The following IGSF11 variants were observed in gnomAD, a reference collection of about 807,000 sequenced individuals.
IGSF11 encodes the protein CXADR like 1.
IGSF11 carries 22 observed loss-of-function variants against 41.0 expected under a neutral mutation model. The ratio of observed to expected loss-of-function variants is 0.54; its 90% CI spans 0.38 to 0.77. IGSF11 has a LOEUF of 0.77. IGSF11 is among the 30% of genes least tolerant of loss of function. The pLI is 0.00. For synonymous variants in IGSF11, 219 were observed against 201.3 expected, an observed-to-expected ratio of 1.09 and a Z score of -0.74; for missense variants, 444 against 530.8, an observed-to-expected ratio of 0.84 and a Z score of 1.61.
chr3:119,104,373 C>A (rs2076986917), intron 1 of IGSF11, among the ~76,000 whole-genome samples: 1 of 152,196 alleles, frequency 6.6e-6, no homozygotes, highest in African/African-American at 2.4e-5. Context: ...CCGTAATCTG[C>A]TATGCCTCCA....
intron 1 of IGSF11, among the ~76,000 whole-genome samples, chr3:118,964,917 T>C (rs1945568170): frequency 6.6e-6 from 1 of 152,194 alleles, no homozygotes; most frequent in East Asian, 1.9e-4. Context: ...TTGACTTTTT[T>C]CCTAACCACT....
At chr3:118,975,423 T>C (rs1223937533) in intron 1 of IGSF11, among the ~76,000 whole-genome samples, 1 of 151,522 alleles carries the variant, frequency 6.6e-6, no homozygotes, top group South Asian at 2.1e-4. Context: ...TATTGAATCA[T>C]ATACTTCCAC....
At chr3:118,998,470 A>G (rs1029150282) in intron 1 of IGSF11, among the ~76,000 whole-genome samples, 3 of 151,244 alleles carry the variant, frequency 2.0e-5, no homozygotes, top group Non-Finnish European at 4.4e-5. Context: ...TTCAAAATCC[A>G]TTGGGGGGGA....
chr3:119,050,657 A>C (rs1189446227), intron 1 of IGSF11, among the ~76,000 whole-genome samples: 1 of 152,170 alleles, frequency 6.6e-6, no homozygotes, highest in Non-Finnish European at 1.5e-5. Context: ...TATATACCCA[A>C]AGGGTTATAA....
intron 1 of IGSF11, among the ~76,000 whole-genome samples, chr3:119,085,398 C>G (rs1250821240): frequency 2.0e-5 from 3 of 152,178 alleles, no homozygotes; most frequent in Admixed American, 2.0e-4. Flanking sequence ...ACTGTGTACT[C>G]AAATTTACAC....
chr3:118,946,461 AG>A (rs1944151863), intron 1 of IGSF11, among the ~76,000 whole-genome samples: 1 of 151,800 alleles, frequency 6.6e-6, no homozygotes, highest in East Asian at 1.9e-4. Context: ...AAAAAAAAGA[AG>A]AAGAAGAGGA....
At chr3:118,941,384 C>T (rs557844195) in intron 1 of IGSF11, among the ~76,000 whole-genome samples, 79 of 152,056 alleles carry the variant, frequency 5.2e-4, no homozygotes, top group Non-Finnish European at 9.3e-4. Flanking sequence ...AACGATGCTC[C>T]ACTTCATTAG....
intron 1 of IGSF11, among the ~76,000 whole-genome samples, chr3:119,086,445 G>A (rs764777441): frequency 3.3e-5 from 5 of 151,750 alleles, no homozygotes; most frequent in African/African-American, 9.7e-5. Flanking sequence ...ATCAGATTCA[G>A]CAAGGTCAAC....
chr3:118,991,414 A>G (rs1176137535), intron 1 of IGSF11, among the ~76,000 whole-genome samples: 1 of 152,258 alleles, frequency 6.6e-6, no homozygotes, highest in Non-Finnish European at 1.5e-5. Flanking sequence ...GCTTAGTTTT[A>G]TAACAACATC....
chr3:119,029,271 CA>C lies in IGSF11; in HGVS notation c.52+5259del, dbSNP rs1388354458. Among the ~76,000 whole-genome samples the C allele has an allele frequency of 2.8e-3, 417 of 147,838 alleles. 1 individual carries two copies. The highest frequency in any genetic ancestry group is 0.014 in the East Asian group (69 of 5,100). ...ACACACACACACACACACACACACACACACCCGAGAGAGAGAGAGAATGCGA... is the reference window on the plus strand; with the variant it reads ...ACACACACACACACACACACACACACCACCCGAGAGAGAGAGAGAATGCGA... On this transcript the variant is annotated intron_variant, in intron 1 of 6. Coordinates refer to ENST00000393775, the MANE Select transcript of IGSF11 (RefSeq NM_001015887.3).
intron 1 of IGSF11, among the ~76,000 whole-genome samples, chr3:119,007,214 G>A (rs1937556337): frequency 6.8e-6 from 1 of 146,560 alleles, no homozygotes; most frequent in Non-Finnish European, 1.5e-5. Context: ...TCGGGTGGGA[G>A]TGACCCGATT....
At chr3:119,083,148 G>A (rs1360209304) in intron 1 of IGSF11, among the ~76,000 whole-genome samples, 1 of 122,990 alleles carries the variant, frequency 8.1e-6, no homozygotes, top group Non-Finnish European at 1.6e-5. Context: ...TTTTTGGTGT[G>A]GGGGACAGCA....
chr3:118,977,172 C>T (rs889917054), intron 1 of IGSF11, among the ~76,000 whole-genome samples: 5 of 152,152 alleles, frequency 3.3e-5, no homozygotes, highest in Non-Finnish European at 7.4e-5. Context: ...GTTGCCCTGG[C>T]TTGGATCTCT....
chr3:119,025,644 TTGACTATACAAAGCCCATGAACTCTGA>T (rs1939746260), intron 1 of IGSF11, among the ~76,000 whole-genome samples: 4 of 152,006 alleles, frequency 2.6e-5, no homozygotes, highest in Non-Finnish European at 4.4e-5. Flanking sequence ...GCCAGTATGT[TTGACTATACAAAGCCCATGAACTCTGA>T]CATGGGCTTT....
intron 1 of IGSF11, among the ~76,000 whole-genome samples, chr3:119,073,591 C>T (rs915254410): frequency 2.6e-5 from 4 of 152,304 alleles, no homozygotes; most frequent in African/African-American, 4.8e-5. Context: ...AGTGCAGTGC[C>T]GGTGGGCCGG....
chr3:118,902,603 T>C lies in IGSF11; in HGVS notation c.1213A>G (p.Thr405Ala), dbSNP rs567096057. The change falls in exon 7 of 7, where the codon ACC becomes GCC. Residue 405 changes from threonine to alanine, a missense_variant. Physicochemically the swap from Thr to Ala is moderately conservative, Grantham distance 58. This residue lies in a region of IGSF11 where 223 missense variants were observed against 226.2 expected (regional missense o/e 0.99). Coordinates refer to ENST00000393775, the MANE Select transcript of IGSF11 (RefSeq NM_001015887.3). ...KPRPPHTHSYTISHATLERIG... is the reference protein window; with the variant it reads ...KPRPPHTHSYAISHATLERIG... ...CGTTCCAGTGTTGCGTGGCTGATGG[T>C]GTAGGAATGAGTGTGTGGAGGCCGA... 7.4e-6 allele frequency: 12 copies of C among 1,613,952 alleles called. No individual in the cohort carries two copies. Among genetic ancestry groups the C allele is most frequent in the Non-Finnish European group, 1.0e-5 (12 of 1,179,980 alleles).
intron 1 of IGSF11, among the ~76,000 whole-genome samples, chr3:119,015,120 A>G (rs1385458225): frequency 6.6e-6 from 1 of 152,186 alleles, no homozygotes; most frequent in Non-Finnish European, 1.5e-5. Flanking sequence ...ATCACATGTA[A>G]TTGTTGATAA....
chr3:119,013,592 C>T (rs947171530), intron 1 of IGSF11, among the ~76,000 whole-genome samples: 1 of 152,206 alleles, frequency 6.6e-6, no homozygotes, highest in Non-Finnish European at 1.5e-5. Flanking sequence ...GTTTATTAGA[C>T]ATCGACTAAT....
chr3:118,911,805 C>T (rs1286762426), intron 4 of IGSF11, among the ~76,000 whole-genome samples: 1 of 152,068 alleles, frequency 6.6e-6, no homozygotes, highest in Non-Finnish European at 1.5e-5. Context: ...TTTAGTCCTT[C>T]CTATCAGTTT....
Sources: gnomAD v4.1 joint callset for allele counts (sites outside exome capture counted in the v4.1 genomes callset) on GRCh38, gnomAD v4.1.1 for gene constraint, gnomAD v4.1.1 regional missense constraint, MANE v1.5 for transcripts, NCBI Gene and HGNC (gene_info 2026-07-23, HGNC 2026-07-21) for gene names.